The following DNAH10 variants were observed in gnomAD, a reference collection of about 807,000 sequenced individuals.
DNAH10 encodes the protein axonemal beta dynein heavy chain 10.
DNAH10 carries 348 observed loss-of-function variants against 506.6 expected under a neutral mutation model. The observed-to-expected ratio is 0.69, with a 90% CI of 0.63 to 0.75. The LOEUF (loss-of-function observed/expected upper bound fraction) is 0.75. Among genes scored for constraint, DNAH10 ranks in the 30% least tolerant of loss-of-function variants. The probability of loss-of-function intolerance (pLI) is 0.00; values close to 1 mark genes in which losing one functional copy is unlikely to be tolerated. For missense variants in DNAH10, 5,179 were observed against 5,787.1 expected (o/e 0.89, Z 3.41); for synonymous variants, 2,059 against 2,198.6 (o/e 0.94, Z 1.78).
At chr12:123,835,097 G>A (rs575840877) in intron 27 of DNAH10, among the ~76,000 whole-genome samples, 1 of 152,344 alleles carries the variant, frequency 6.6e-6, no homozygotes, top group African/African-American at 2.4e-5. Context: ...GGCATGGCCT[G>A]TCCTTCGCTG....
chr12:123,767,943 A>G (rs1045375598), intron 2 of DNAH10, among the ~76,000 whole-genome samples: 1 of 152,174 alleles, frequency 6.6e-6, no homozygotes, highest in Admixed American at 6.5e-5. Context: ...TCCAAAATCA[A>G]GGTGCTGGCA....
chr12:123,890,794 C>G (rs145672017), intron 52 of DNAH10, among the ~76,000 whole-genome samples: 3 of 152,030 alleles, frequency 2.0e-5, no homozygotes, highest in African/African-American at 7.2e-5. Flanking sequence ...GGACTTCGAT[C>G]GATTTGGCTG....
At position 123,905,339 on chromosome 12, in the gene DNAH10, C is replaced by A. The variant is rs142519842; in HGVS notation, c.9815+2226C>A. Among the ~76,000 whole-genome samples the A allele has an allele frequency of 5.6e-3, 852 of 152,170 alleles. 9 individuals carry two copies. The highest frequency in any genetic ancestry group is 8.1e-3 in the Non-Finnish European group (549 of 67,998). On this transcript the variant is annotated intron_variant, in intron 57 of 78. Coordinates refer to ENST00000673944, the MANE Select transcript of DNAH10 (RefSeq NM_001372106.1). ...CAGCGTGGCAAAGAATAAATCTGAC[C>A]ATAGTTCATTGTGCACGTGGGCGAG...
At position 123,907,097 on chromosome 12, in the gene DNAH10, C is replaced by T. The variant is rs1953818557; in HGVS notation, c.9816-2164C>T. 6.6e-6 allele frequency among the ~76,000 whole-genome samples: 1 copy of T among 152,230 alleles called. No homozygotes were observed. The highest frequency in any genetic ancestry group is 1.5e-5 in the Non-Finnish European group (1 of 68,038). On this transcript the variant is annotated intron_variant, in intron 57 of 78. Transcript: ENST00000673944. The surrounding 1 kb of genome is among the most constrained non-coding windows in gnomAD (Gnocchi z 4.4). ...CAGGCAGGGTCTTCACTGCGTGGCG[C>T]TGACACTCTGTTTTCCTATAGGAAT...
In DNAH10 at chr12:123,762,409, T is replaced by G; in HGVS notation, c.73T>G (p.Phe25Val). The stretch of plus-strand genomic sequence containing the variant: ...TTTCGGCATCACCGACCCCCAGCTT[T>G]TCGAGGACCTGCTCAACCGCGACGA... ...AAFGITDPQL[F>V]EDLLNRDDGQ... The change falls in exon 1 of 79, where the codon TTC becomes GTC. Residue 25 changes from phenylalanine (F) to valine (V), a missense_variant. Physicochemically the swap from Phe to Val is conservative, Grantham distance 50. Coordinates refer to ENST00000673944, the MANE Select transcript of DNAH10 (RefSeq NM_001372106.1). This position sits in a 1 kb window ranked among gnomAD's most constrained non-coding sequence, Gnocchi z 5.0. The G allele has an allele frequency of 7.1e-7, 1 of 1,402,804 alleles. No individual in the cohort carries two copies. The highest frequency in any genetic ancestry group is 2.9e-5 in the East Asian group (1 of 34,618). 86.9% of individuals were successfully genotyped at this position (1,402,804 alleles called of 1,614,324 possible).
chr12:123,932,147 G>T (rs1955245276), intron 76 of DNAH10, 39 bp downstream of exon 76: 1 of 1,611,404 alleles, frequency 6.2e-7, no homozygotes, highest in Admixed American at 1.7e-5. Context: ...GCCGATTCAG[G>T]TGTCAGCCTA....
At position 123,919,884 on chromosome 12, in the gene DNAH10, C is replaced by T. The variant is rs146118200; in HGVS notation, c.11506+935C>T. Among the ~76,000 whole-genome samples, 101 of 152,276 alleles carry T rather than the reference C, an allele frequency of 6.6e-4. No homozygotes were observed. Among genetic ancestry groups the T allele is most frequent in the African/African-American group, 2.1e-3 (88 of 41,548 alleles). The stretch of plus-strand genomic sequence containing the variant: ...CACCTGATGGGCATTTGGGTTGTTT[C>T]GCTTGTTTTGCTATTAAGGCAATGC... On this transcript the variant is annotated intron_variant, in intron 65 of 78. Coordinates refer to ENST00000673944, the MANE Select transcript of DNAH10 (RefSeq NM_001372106.1). This position sits in a 1 kb window ranked among gnomAD's most constrained non-coding sequence, Gnocchi z 4.9.
chr12:123,923,132 TAAAG>T (rs1954800838), intron 65 of DNAH10: 1 of 152,208 alleles, frequency 6.6e-6, no homozygotes, highest in Non-Finnish European at 1.5e-5. Flanking sequence ...CATCCATTAA[TAAAG>T]AGTCTGTTGA....
chr12:123,889,428 A>G (rs1252663871), intron 52 of DNAH10, among the ~76,000 whole-genome samples: 1 of 152,136 alleles, frequency 6.6e-6, no homozygotes, highest in Non-Finnish European at 1.5e-5. Context: ...TTTATTCCAC[A>G]GTGTTTATTC....
intron 54 of DNAH10, 43 bp from the exon 55 acceptor site, chr12:123,897,727 A>G: frequency 2.5e-6 from 4 of 1,587,648 alleles, no homozygotes; most frequent in East Asian, 2.3e-5. Flanking sequence ...CCTGTGTCGA[A>G]AAAGAAAAAG....
At chr12:123,781,585 C>T (rs1183635559) in intron 6 of DNAH10, among the ~76,000 whole-genome samples, 3 of 152,058 alleles carry the variant, frequency 2.0e-5, no homozygotes, top group African/African-American at 7.2e-5. Context: ...CCTGCCTCAG[C>T]CCCCCGAGTA....
chr12:123,931,980 G>A lies in DNAH10; in HGVS notation c.13168G>A (p.Asp4390Asn). 2 of 1,614,072 alleles carry A rather than the reference G, an allele frequency of 1.2e-6. No individual in the cohort carries two copies. The highest frequency in any genetic ancestry group is 2.2e-5 in the East Asian group (1 of 44,892). The change falls in exon 76 of 79, where the codon GAT (aspartate) becomes AAT (asparagine). Residue 4390 changes from aspartate to asparagine, a missense_variant. By Grantham distance (23) the Asp-to-Asn change is conservative (BLOSUM62 1). Coordinates refer to ENST00000673944, the MANE Select transcript of DNAH10 (RefSeq NM_001372106.1). ...GEVGMSNELD[D>N]VARSLFIGHI... ...AGTTGGAATGAGCAATGAGTTAGAT[G>A]ATGTGGCCAGGTCTCTTTTTATCGG...
rs865984297 is a variant in DNAH10, at chr12:123,909,181, C to T, written c.9816-80C>T. On this transcript the variant is annotated intron_variant, in intron 57 of 78. Coordinates refer to ENST00000673944, the MANE Select transcript of DNAH10 (RefSeq NM_001372106.1). The surrounding 1 kb of genome is among the most constrained non-coding windows in gnomAD (Gnocchi z 5.4). Reference sequence around the variant, plus strand: ...CCAGGGACTGTCTTTTGGTTGAGCTCGTTTTTCTGGAGCTCTCTTTCAGGC... The same window carrying T: ...CCAGGGACTGTCTTTTGGTTGAGCTTGTTTTTCTGGAGCTCTCTTTCAGGC... 14 of 1,540,176 alleles carry T rather than the reference C, an allele frequency of 9.1e-6. No individual in the cohort carries two copies. The highest frequency in any genetic ancestry group is 2.3e-4 in the Middle Eastern group (1 of 4,396).
chr12:123,768,279 C>T (rs71458816), intron 2 of DNAH10, among the ~76,000 whole-genome samples: 28,678 of 152,000 alleles, frequency 0.19, 2,921 homozygotes, highest in Middle Eastern at 0.28. Flanking sequence ...CGATCTCAGG[C>T]GCCCACCACC....
chr12:123,789,905 A>T (rs773595858), intron 10 of DNAH10, 22 bp from the exon 11 acceptor site: 1 of 1,603,430 alleles, frequency 6.2e-7, no homozygotes, highest in African/African-American at 1.3e-5. Context: ...TAATCTCCTC[A>T]TTGTTCCGTT....
intron 57 of DNAH10, among the ~76,000 whole-genome samples, chr12:123,905,471 A>G (rs781193491): frequency 1.5e-4 from 23 of 152,134 alleles, no homozygotes; most frequent in Non-Finnish European, 2.9e-4. Context: ...GATGGAACCT[A>G]TTTATCCTCA....
Position 123,926,868 on chromosome 12 carries a change from TGGTG to T in DNAH10, c.12105+49_12105+52del. ...AAGCTCTACGTTTAGGGGAGGTCCC[TGGTG>T]TCTGCTAAGAAGGAGCTAACCTGGG... On this transcript the variant is annotated intron_variant, in intron 69 of 78. Coordinates refer to ENST00000673944, the MANE Select transcript of DNAH10 (RefSeq NM_001372106.1). The surrounding 1 kb of genome is among the most constrained non-coding windows in gnomAD (Gnocchi z 4.1). 1 of 1,596,548 alleles carries T rather than the reference TGGTG, an allele frequency of 6.3e-7. No homozygotes were observed. Among genetic ancestry groups the T allele is most frequent in the East Asian group, 2.2e-5 (1 of 44,664 alleles).
chr12:123,765,123 C>T (rs976176014), intron 1 of DNAH10, among the ~76,000 whole-genome samples: 1 of 151,814 alleles, frequency 6.6e-6, no homozygotes, highest in African/African-American at 2.4e-5. Flanking sequence ...TTTCTCTCTG[C>T]TCCTGGTTAA....
chr12:123,879,529 G>T, intron 49 of DNAH10, 105 bp from the exon 50 acceptor site: 1 of 1,526,586 alleles, frequency 6.6e-7, no homozygotes, highest in Non-Finnish European at 8.9e-7. Flanking sequence ...AAAAAAAATA[G>T]AACGCAAATT....
Sources: gnomAD v4.1 joint callset for allele counts (sites outside exome capture counted in the v4.1 genomes callset) on GRCh38, gnomAD v4.1.1 for gene constraint, Gnocchi (gnomAD v3.1) non-coding constraint, MANE v1.5 for transcripts, NCBI Gene and HGNC (gene_info 2026-07-23, HGNC 2026-07-21) for gene names.